Variants in DPP6 observed in about 807,000 individuals in gnomAD.
DPP6 encodes A-type potassium channel modulatory protein DPP6.
A neutral mutation model predicts 122.6 loss-of-function variants in DPP6; 69 were observed. The ratio of observed to expected loss-of-function variants is 0.56; its 90% CI spans 0.46 to 0.69. The LOEUF is 0.69. DPP6 is among the 30% of genes least tolerant of loss of function. The pLI is 0.00. For synonymous variants in DPP6, 418 were observed against 433.1 expected (o/e 0.97, Z 0.43); for missense variants, 928 against 1,116.9 (o/e 0.83, Z 2.41).
chr7:154,089,071 G>T (rs1256416682), intron 1 of DPP6, among the ~76,000 whole-genome samples: 2 of 152,082 alleles, frequency 1.3e-5, no homozygotes, highest in Non-Finnish European at 2.9e-5. Flanking sequence ...CTAAAGTTGT[G>T]TACCCTACAA....
intron 6 of DPP6, among the ~76,000 whole-genome samples, chr7:154,666,200 T>TATGTGTGTATATATATATATATAC (rs1302353081): frequency 2.0e-5 from 2 of 102,552 alleles, no homozygotes; most frequent in African/African-American, 6.0e-5. Flanking sequence ...TATATATATA[T>TATGTGTGTATATATATATATATAC]ACACATATAC....
chr7:153,848,542 T>C, the DPP6 span, among the ~76,000 whole-genome samples: 37,535 of 152,036 alleles, frequency 0.25, 4,686 homozygotes, highest in East Asian at 0.33. Context: ...TCTGTATAAA[T>C]ATGGGTCTAA....
At position 154,235,371 on chromosome 7, in the gene DPP6, A is replaced by G. The variant is rs113019804; in HGVS notation, c.243+182308A>G. ...AGTGCTTCATGCCTTTCTATTGTCA[A>G]ATAACGACACAGTGTTTTACAACCC... On this transcript the variant is annotated intron_variant, in intron 1 of 25. Coordinates refer to ENST00000377770, the MANE Select transcript of DPP6 (RefSeq NM_130797.4). 1.2e-3 allele frequency among the ~76,000 whole-genome samples: 188 copies of G among 152,320 alleles called. 1 individual carries two copies. The highest frequency in any genetic ancestry group is 4.1e-3 in the African/African-American group (172 of 41,556).
chr7:154,876,176 T>C (rs1804835100), intron 20 of DPP6, 76 bp downstream of exon 20: 2 of 1,435,980 alleles, frequency 1.4e-6, no homozygotes, highest in Admixed American at 5.4e-5. Flanking sequence ...GCAGTCACAG[T>C]GCGGGAATGC....
chr7:154,279,019 G>C (rs918964365), intron 1 of DPP6, among the ~76,000 whole-genome samples: 9 of 151,676 alleles, frequency 5.9e-5, no homozygotes, highest in African/African-American at 1.9e-4. Flanking sequence ...ACCTGTGCTT[G>C]TTGTGTGGTA....
At chr7:154,490,445 G>C (rs988918608) in intron 3 of DPP6, among the ~76,000 whole-genome samples, 2 of 152,208 alleles carry the variant, frequency 1.3e-5, no homozygotes, top group Non-Finnish European at 1.5e-5. Context: ...AGTGCTGTGG[G>C]GTAAAGGATG....
At chr7:154,458,244 G>A (rs1820972024) in intron 2 of DPP6, among the ~76,000 whole-genome samples, 1 of 152,136 alleles carries the variant, frequency 6.6e-6, no homozygotes, top group Non-Finnish European at 1.5e-5. Context: ...TGGGTTTTTT[G>A]TGCTATTCTC....
chr7:154,367,635 A>G (rs1320651125), intron 1 of DPP6, among the ~76,000 whole-genome samples: 1 of 152,166 alleles, frequency 6.6e-6, no homozygotes, highest in Non-Finnish European at 1.5e-5. Context: ...CTAGAGTCTC[A>G]TTTTTTAAAA....
At chr7:154,369,277 T>C (rs1471779955) in intron 1 of DPP6, among the ~76,000 whole-genome samples, 1 of 148,722 alleles carries the variant, frequency 6.7e-6, no homozygotes, top group Non-Finnish European at 1.5e-5. Context: ...GTATTTTTAG[T>C]AGAGATGAGG....
chr7:154,163,365 T>C lies in DPP6; in HGVS notation c.243+110302T>C, dbSNP rs528237786. ...TGTTTGGGGTTTGTACTTCAGTTAT[T>C]TTACTTGCTCATGGCTTTTTGTTGT... is the stretch of plus-strand genomic sequence containing the variant. On this transcript the variant is annotated intron_variant, in intron 1 of 25. Transcript: ENST00000377770. Among the ~76,000 whole-genome samples, 3 of 152,346 alleles carry C rather than the reference T, an allele frequency of 2.0e-5. No homozygotes were observed. In the South Asian group the frequency reaches 6.2e-4, roughly 32 times the overall value.
chr7:154,313,876 T>G (rs944080562), intron 1 of DPP6, among the ~76,000 whole-genome samples: 8 of 151,066 alleles, frequency 5.3e-5, no homozygotes, highest in Admixed American at 5.3e-4. Context: ...TGATGTTCAT[T>G]TTGATGCAGT....
intron 16 of DPP6, among the ~76,000 whole-genome samples, chr7:154,827,389 G>T (rs1419713397): frequency 6.6e-6 from 1 of 151,806 alleles, no homozygotes; most frequent in Non-Finnish European, 1.5e-5. Flanking sequence ...CCTTTAGCTG[G>T]GTGAAGACAG....
At chr7:154,129,628 A>C (rs958939961) in intron 1 of DPP6, among the ~76,000 whole-genome samples, 3 of 152,200 alleles carry the variant, frequency 2.0e-5, no homozygotes, top group East Asian at 1.9e-4. Context: ...GGCCGGGCAC[A>C]GTGGCTTACG....
chr7:154,593,498 A>C (rs1410293053), intron 5 of DPP6, among the ~76,000 whole-genome samples: 1 of 152,248 alleles, frequency 6.6e-6, no homozygotes, highest in South Asian at 2.1e-4. Flanking sequence ...ATGTTGGACT[A>C]TTGATTATCA....
At position 154,446,160 on chromosome 7, in the gene DPP6, A is replaced by G. The variant is rs989382235; in HGVS notation, c.244-54A>G. 4 of 1,167,232 alleles carry G rather than the reference A, an allele frequency of 3.4e-6. No homozygotes were observed. The African/African-American group carries it at 6.2e-5, about 18-fold the overall frequency. The allele number at this position is 1,167,232 out of a possible 1,614,324, so 72.3% of individuals were successfully genotyped here. A position where few individuals can be genotyped will look rare whatever the true frequency, so the allele number is the denominator to read the frequency against. On this transcript the variant is annotated intron_variant, in intron 1 of 25. Transcript: ENST00000377770. ...TAAATGAAATATGTCTATTTGGCTT[A>G]TTTTATTTCCTTATTTCACTCACTG...
At chr7:154,687,150 A>C (rs1839663593) in intron 7 of DPP6, among the ~76,000 whole-genome samples, 1 of 152,080 alleles carries the variant, frequency 6.6e-6, no homozygotes, top group African/African-American at 2.4e-5. Flanking sequence ...TAGACGCTTG[A>C]TGTACCCTGA....
intron 1 of DPP6, among the ~76,000 whole-genome samples, chr7:154,299,267 G>T (rs1052121407): frequency 2.6e-5 from 4 of 152,224 alleles, no homozygotes; most frequent in African/African-American, 9.6e-5. Context: ...AGACCCAGCA[G>T]CTTCCAGGGA....
chr7:154,852,671 G>T (rs868326045), intron 16 of DPP6, among the ~76,000 whole-genome samples: 3 of 152,324 alleles, frequency 2.0e-5, no homozygotes, highest in South Asian at 2.1e-4. Flanking sequence ...ACACATTCTT[G>T]ACTGTCTCGG....
chr7:154,364,544 G>T (rs987598220), intron 1 of DPP6, among the ~76,000 whole-genome samples: 8 of 152,142 alleles, frequency 5.3e-5, no homozygotes, highest in Non-Finnish European at 1.2e-4. Context: ...GAGGGCAGGG[G>T]CGGTGGGGTG....
Sources: allele counts gnomAD v4.1 joint callset (sites outside exome capture counted in the v4.1 genomes callset), GRCh38; gene constraint gnomAD v4.1.1; transcripts MANE v1.5; gene names NCBI Gene and HGNC (gene_info 2026-07-23, HGNC 2026-07-21).